The following ANO4 variants were observed in gnomAD, a reference collection of about 807,000 sequenced individuals.
The protein encoded by ANO4 is anoctamin-4.
A neutral mutation model predicts 141.9 loss-of-function variants in ANO4; 69 were observed. The observed-to-expected ratio is 0.49, with a 90% CI of 0.40 to 0.59. ANO4 has a LOEUF of 0.59. Ranked by LOEUF, ANO4 falls within the 20% of genes least tolerant of loss-of-function variation. The pLI, the probability that ANO4 is intolerant of heterozygous loss-of-function variation, is 0.00. For synonymous variants in ANO4, 350 were observed against 394.3 expected, an observed-to-expected ratio of 0.89 and a Z score of 1.33; for missense variants, 894 against 1,162.2, an observed-to-expected ratio of 0.77 and a Z score of 3.36.
chr12:100,865,411 A>G (rs1351021378), intron 1 of ANO4, among the ~76,000 whole-genome samples: 1 of 152,206 alleles, frequency 6.6e-6, no homozygotes, highest in African/African-American at 2.4e-5. Flanking sequence ...CAATCTATCC[A>G]TCTGACAAAG....
intron 3 of ANO4, among the ~76,000 whole-genome samples, chr12:100,771,313 C>T (rs1294457683): frequency 1.3e-5 from 2 of 152,254 alleles, no homozygotes; most frequent in South Asian, 2.1e-4. Flanking sequence ...CTGACTCTTG[C>T]ATAGACCAGA....
chr12:100,973,367 G>A (rs1227099188), intron 6 of ANO4, among the ~76,000 whole-genome samples: 1 of 152,126 alleles, frequency 6.6e-6, no homozygotes, highest in Non-Finnish European at 1.5e-5. Flanking sequence ...AATCTTACCT[G>A]TATTCATAAT....
chr12:100,758,390 G>T (rs143375278), intron 3 of ANO4, among the ~76,000 whole-genome samples: 89 of 152,266 alleles, frequency 5.8e-4, no homozygotes, highest in African/African-American at 2.0e-3. Flanking sequence ...AAGTGCAAGT[G>T]GAGTGAGGCA....
chr12:100,784,301 C>A (rs2033797405), intron 3 of ANO4, among the ~76,000 whole-genome samples: 1 of 152,142 alleles, frequency 6.6e-6, no homozygotes, highest in Admixed American at 6.5e-5. Flanking sequence ...CCAAATCTTC[C>A]CTCTTGTAGG....
At chr12:100,824,208 C>A (rs571659194) in intron 1 of ANO4, among the ~76,000 whole-genome samples, 1 of 151,982 alleles carries the variant, frequency 6.6e-6, no homozygotes. Flanking sequence ...TGGTGCTTGA[C>A]CTGACTGTAC....
chr12:100,973,617 C>T (rs1367153826), intron 6 of ANO4, among the ~76,000 whole-genome samples: 1 of 152,110 alleles, frequency 6.6e-6, no homozygotes, highest in Non-Finnish European at 1.5e-5. Context: ...CCAATATACC[C>T]CTTCTCCCCC....
intron 8 of ANO4, among the ~76,000 whole-genome samples, chr12:101,019,135 T>C (rs563106336): frequency 2.3e-4 from 35 of 152,310 alleles, no homozygotes; most frequent in African/African-American, 7.7e-4. Context: ...TACATTTATA[T>C]GCCTTTGCAT....
At chr12:100,903,607 C>T (rs2136036883) in intron 2 of ANO4, among the ~76,000 whole-genome samples, 1 of 152,258 alleles carries the variant, frequency 6.6e-6, no homozygotes, top group Admixed American at 6.5e-5. Flanking sequence ...AAAGTATGTA[C>T]TAGAGACTAA....
chr12:101,068,737 G>C (rs2048694826), intron 14 of ANO4: 7 of 1,309,082 alleles, frequency 5.3e-6, no homozygotes, highest in Non-Finnish European at 6.6e-6. Flanking sequence ...TCATAAAAAT[G>C]TTGCCGATGA....
chr12:100,990,862 T>G (rs931859421), intron 8 of ANO4, among the ~76,000 whole-genome samples: 2 of 152,066 alleles, frequency 1.3e-5, no homozygotes, highest in Non-Finnish European at 2.9e-5. Flanking sequence ...TGTGTATAAA[T>G]GAACGAAGGC....
At chr12:100,789,475 G>T (rs1366803084) in intron 3 of ANO4, among the ~76,000 whole-genome samples, 3 of 152,204 alleles carry the variant, frequency 2.0e-5, no homozygotes, top group Non-Finnish European at 4.4e-5. Context: ...TGACAACGGT[G>T]ACAATAGCTA....
chr12:100,892,839 A>G (rs1486384614), intron 1 of ANO4, among the ~76,000 whole-genome samples: 1 of 151,538 alleles, frequency 6.6e-6, no homozygotes, highest in Non-Finnish European at 1.5e-5. Context: ...CAGACATGGG[A>G]ACTGCAGATA....
intron 7 of ANO4, 110 bp from the exon 8 acceptor site, chr12:100,987,429 G>C: frequency 1.5e-6 from 2 of 1,343,450 alleles, no homozygotes; most frequent in South Asian, 1.4e-5. Flanking sequence ...GCAGTGAGAG[G>C]GCCTGGAATG....
chr12:100,935,289 T>G (rs2042239792), intron 3 of ANO4, among the ~76,000 whole-genome samples: 1 of 152,024 alleles, frequency 6.6e-6, no homozygotes, highest in African/African-American at 2.4e-5. Flanking sequence ...TTATTGAGAG[T>G]TTTTAGCATG....
At chr12:101,073,369 C>T (rs1451846772) in intron 14 of ANO4, among the ~76,000 whole-genome samples, 2 of 152,002 alleles carry the variant, frequency 1.3e-5, no homozygotes, top group Non-Finnish European at 2.9e-5. Context: ...GGGTATTGAA[C>T]AGTGAGAACA....
intron 4 of ANO4, among the ~76,000 whole-genome samples, chr12:100,939,973 T>A (rs945771505): frequency 1.3e-5 from 2 of 152,214 alleles, no homozygotes; most frequent in Non-Finnish European, 1.5e-5. Flanking sequence ...AGGTTGTGTC[T>A]CAATAGAGTT....
At chr12:100,903,552 T>G (rs2040695654) in intron 2 of ANO4, among the ~76,000 whole-genome samples, 1 of 152,222 alleles carries the variant, frequency 6.6e-6, no homozygotes, top group South Asian at 2.1e-4. Context: ...GCTTTATTAC[T>G]ATAGTGCATC....
intron 1 of ANO4, among the ~76,000 whole-genome samples, chr12:100,815,131 C>T (rs188942578): frequency 6.6e-6 from 1 of 152,208 alleles, no homozygotes; most frequent in Admixed American, 6.5e-5. Flanking sequence ...AGTTACCTAA[C>T]TATTCTGGAT....
intron 7 of ANO4, among the ~76,000 whole-genome samples, 189 bp downstream of exon 7, chr12:100,975,078 G>A (rs571692013): frequency 1.3e-5 from 2 of 152,098 alleles, no homozygotes; most frequent in Non-Finnish European, 2.9e-5. Context: ...GTCCCTCTCC[G>A]CGTCTTCCCA....
Sources: allele counts gnomAD v4.1 joint callset (sites outside exome capture counted in the v4.1 genomes callset), GRCh38; gene constraint gnomAD v4.1.1; transcripts MANE v1.5; gene names NCBI Gene and HGNC (gene_info 2026-07-23, HGNC 2026-07-21).